The following FAM131C variants were observed in gnomAD, a reference collection of about 807,000 sequenced individuals.
The protein encoded by FAM131C is protein FAM131C.
A neutral mutation model predicts 29.8 loss-of-function variants in FAM131C; 14 were observed. The observed-to-expected ratio is 0.47, with a 90% CI of 0.31 to 0.73. FAM131C has a LOEUF of 0.73. FAM131C is among the 30% of genes least tolerant of loss of function. The probability of loss-of-function intolerance (pLI) is 0.05; values close to 1 mark genes in which losing one functional copy is unlikely to be tolerated. For synonymous variants in FAM131C, 86 were observed against 157.8 expected (o/e 0.54, Z 3.41); for missense variants, 252 against 383.8 (o/e 0.66, Z 2.87).
At chr1:16,071,073 G>A (rs1023507462) in intron 1 of FAM131C, among the ~76,000 whole-genome samples, 7 of 152,238 alleles carry the variant, frequency 4.6e-5, no homozygotes, top group Admixed American at 3.9e-4. Flanking sequence ...AAGGGTGGAC[G>A]CACTCCCTCC....
chr1:16,068,248 C>T (rs781310007), intron 1 of FAM131C, among the ~76,000 whole-genome samples: 4 of 152,372 alleles, frequency 2.6e-5, no homozygotes, highest in African/African-American at 7.2e-5. Context: ...TTTAAGTCCC[C>T]GCTTCTCACT....
In FAM131C at chr1:16,059,422, T is replaced by C. The variant is rs1176540733; in HGVS notation, c.562+72A>G. 6 of 1,567,174 alleles carry C rather than the reference T, an allele frequency of 3.8e-6. No homozygotes were observed. The African/African-American group carries it at 4.1e-5, about 11-fold the overall frequency. Reference sequence around the variant, plus strand: ...GGGCTTGGCCGAGGTCACACTGCCTTTGGTGATGGGCAGCCATCCAGAATC... The same window carrying C: ...GGGCTTGGCCGAGGTCACACTGCCTCTGGTGATGGGCAGCCATCCAGAATC... On this transcript the variant is annotated intron_variant, in intron 6 of 6. Transcript: ENST00000375662.
At chr1:16,065,207 T>C (rs1223711318) in intron 1 of FAM131C, among the ~76,000 whole-genome samples, 2 of 148,576 alleles carry the variant, frequency 1.3e-5, no homozygotes, top group Non-Finnish European at 2.9e-5. Flanking sequence ...CAGGTCCACC[T>C]TCCCCCCATC....
At chr1:16,072,236 C>T (rs2023759049) in intron 1 of FAM131C, among the ~76,000 whole-genome samples, 1 of 152,198 alleles carries the variant, frequency 6.6e-6, no homozygotes, top group Non-Finnish European at 1.5e-5. Context: ...GTACCTTCCC[C>T]TTCCCCAGCC....
intron 1 of FAM131C, among the ~76,000 whole-genome samples, chr1:16,071,071 A>G (rs1244587263): frequency 5.3e-5 from 8 of 152,348 alleles, no homozygotes; most frequent in South Asian, 2.1e-4. Flanking sequence ...CCAAGGGTGG[A>G]CGCACTCCCT....
chr1:16,059,900 C>T lies in FAM131C; in HGVS notation c.420G>A (p.Pro140=), dbSNP rs115727156. ...CAAAGCGGGCCTCACGCAGCTCATC[C>T]GGGAGGCAGCAGTAATGCTCGTCCT... is the stretch of plus-strand genomic sequence containing the variant. ...PAEDEHYCCL[P]DELREARFAA... The change falls in exon 5 of 7, where the codon CCG becomes CCA. Residue 140 remains proline (P), a synonymous_variant. Transcript: ENST00000375662. The T allele has an allele frequency of 6.9e-4, 918 of 1,335,298 alleles. 4 individuals carry two copies. In the African/African-American group the frequency reaches 0.014, roughly 20 times the overall value. The allele number at this position is 1,335,298 out of a possible 1,614,324, so 82.7% of individuals were successfully genotyped here. A position where few individuals can be genotyped will look rare whatever the true frequency, so the allele number is the denominator to read the frequency against.
At chr1:16,065,477 C>A (rs926259547) in intron 1 of FAM131C, among the ~76,000 whole-genome samples, 5 of 152,210 alleles carry the variant, frequency 3.3e-5, no homozygotes, top group African/African-American at 9.7e-5. Context: ...GGTTAGGGGA[C>A]CATGTGGGTG....
At chr1:16,066,347 C>A (rs531795580) in intron 1 of FAM131C, among the ~76,000 whole-genome samples, 5 of 152,350 alleles carry the variant, frequency 3.3e-5, no homozygotes, top group African/African-American at 1.2e-4. Flanking sequence ...ACCCATGACC[C>A]AGGCAGGCCT....
At chr1:16,063,732 T>C (rs572111205) in intron 1 of FAM131C, 96 bp from the exon 2 acceptor site, 1 of 745,712 alleles carries the variant, frequency 1.3e-6, no homozygotes, top group Non-Finnish European at 2.1e-6. Flanking sequence ...AGTATGGCCT[T>C]GTTTTTATCC....
intron 1 of FAM131C, among the ~76,000 whole-genome samples, chr1:16,069,207 C>A (rs2023719956): frequency 6.6e-6 from 1 of 152,198 alleles, no homozygotes; most frequent in Non-Finnish European, 1.5e-5. Context: ...TGCTGATCTC[C>A]AGACAGGGTC....
chr1:16,060,737 G>A (rs1170149067), intron 4 of FAM131C, among the ~76,000 whole-genome samples: 14 of 152,222 alleles, frequency 9.2e-5, no homozygotes, highest in African/African-American at 2.2e-4. Context: ...AGGACTGGGC[G>A]GCAGGAGAAG....
rs560209400 is a variant in FAM131C, at chr1:16,060,448, C to T, written c.269-397G>A. ...TCCAAGGAGAGCCACCCAAGGACCA[C>T]TCATGAGCCCCCAGCTTTCTCCATG... On this transcript the variant is annotated intron_variant, in intron 4 of 6. Coordinates refer to ENST00000375662, the MANE Select transcript of FAM131C (RefSeq NM_182623.3). Among the ~76,000 whole-genome samples, 86 of 138,312 alleles carry T rather than the reference C, an allele frequency of 6.2e-4. 2 individuals are homozygous for T. Among genetic ancestry groups the T allele is most frequent in the Non-Finnish European group, 1.1e-3 (68 of 61,442 alleles). 90.7% of individuals were successfully genotyped at this position (138,312 alleles called of 152,430 possible). A position where few individuals can be genotyped will look rare whatever the true frequency, so the allele number is the denominator to read the frequency against.
chr1:16,062,390 C>T lies in FAM131C; in HGVS notation c.174+109G>A, dbSNP rs560264458. ...CCACTGTTTCATCAGGCCCCCCCCC[C>T]CCCCGCCCCAGGGCCAGCAGGACTG... On this transcript the variant is annotated intron_variant, in intron 3 of 6. Coordinates refer to ENST00000375662, the MANE Select transcript of FAM131C (RefSeq NM_182623.3). The T allele has an allele frequency of 8.7e-4, 1,102 of 1,263,986 alleles. 34 individuals are homozygous for T. In the East Asian group the frequency reaches 0.021, roughly 24 times the overall value. 78.3% of individuals were successfully genotyped at this position (1,263,986 alleles called of 1,614,324 possible).
intron 4 of FAM131C, among the ~76,000 whole-genome samples, chr1:16,061,734 A>G (rs1167009240): frequency 6.6e-6 from 1 of 151,712 alleles, no homozygotes; most frequent in Non-Finnish European, 1.5e-5. Flanking sequence ...CTTGAGGGCC[A>G]TTCCCCAGGG....
At chr1:16,072,421 G>A (rs2023762058) in intron 1 of FAM131C, among the ~76,000 whole-genome samples, 2 of 152,168 alleles carry the variant, frequency 1.3e-5, no homozygotes, top group Non-Finnish European at 2.9e-5. Flanking sequence ...TAGGGGTGAT[G>A]GGTGTGGTGG....
chr1:16,059,432 G>T, intron 6 of FAM131C, 62 bp downstream of exon 6: 1 of 1,565,760 alleles, frequency 6.4e-7, no homozygotes, highest in Non-Finnish European at 8.7e-7. Flanking sequence ...TTGGTGATGG[G>T]CAGCCATCCA....
At chr1:16,073,169 G>T (rs188978184) in intron 1 of FAM131C, among the ~76,000 whole-genome samples, 1,900 of 152,114 alleles carry the variant, frequency 0.012, 40 homozygotes, top group African/African-American at 0.042. Context: ...CACGGCACGG[G>T]ACCCTGCTTC....
Position 16,073,483 on chromosome 1 carries a change from G to A in FAM131C, c.-41C>T. 2.6e-6 allele frequency: 3 copies of A among 1,168,754 alleles called. No homozygotes were observed. The highest frequency in any genetic ancestry group is 3.4e-4 in the Middle Eastern group (1 of 2,950). 72.4% of individuals were successfully genotyped at this position (1,168,754 alleles called of 1,614,324 possible). ...CCGGGCCGCTGCGCCCGGGGTGCGT[G>A]GGGCCGCGGGGCGTTCATGTCTCCG... On this transcript the variant is annotated 5_prime_UTR_variant, in exon 1 of 7. Transcript: ENST00000375662.
intron 1 of FAM131C, among the ~76,000 whole-genome samples, chr1:16,071,664 G>A (rs1319965084): frequency 6.6e-6 from 1 of 152,198 alleles, no homozygotes; most frequent in Non-Finnish European, 1.5e-5. Flanking sequence ...GATCTGGGGG[G>A]CGCTGAGGAA....
Sources: allele counts gnomAD v4.1 joint callset (sites outside exome capture counted in the v4.1 genomes callset), GRCh38; gene constraint gnomAD v4.1.1; transcripts MANE v1.5; gene names NCBI Gene and HGNC (gene_info 2026-07-23, HGNC 2026-07-21).